Variants in AGBL1 observed in about 807,000 individuals in gnomAD.
AGBL1 encodes the protein AGBL carboxypeptidase 1.
AGBL1 carries 130 observed loss-of-function variants against 118.9 expected under a neutral mutation model. That is an observed-to-expected ratio of 1.09 (90% confidence interval 0.95 to 1.26). The LOEUF (loss-of-function observed/expected upper bound fraction) is 1.26, where lower values mean the gene tolerates loss of function less well. Ranked by LOEUF, AGBL1 falls within the 50% of genes most tolerant of loss-of-function variation. The pLI is 0.00. For missense variants in AGBL1, 1,584 were observed against 1,298.1 expected (o/e 1.22, Z -3.38); for synonymous variants, 555 against 478.9 (o/e 1.16, Z -2.08).
intron 23 of AGBL1, among the ~76,000 whole-genome samples, chr15:86,985,754 T>A (rs77833517): frequency 0.034 from 5,200 of 152,272 alleles, 128 homozygotes; most frequent in Middle Eastern, 0.068. Context: ...GTATCAACAT[T>A]TTCTTTTATG....
chr15:86,668,735 G>C (rs1383379030), intron 21 of AGBL1, among the ~76,000 whole-genome samples: 3 of 152,176 alleles, frequency 2.0e-5, no homozygotes, highest in Admixed American at 2.0e-4. Flanking sequence ...TGCAAGGTTT[G>C]AGGATTGATT....
rs539458831 is a variant in AGBL1, at chr15:86,702,095, C to CACT, written c.3158+27659_3158+27660insACT. Reference sequence around the variant, plus strand: ...ACAACAAATTATCACTAAATCCTATCCATAGCTCCAATCCATAGCTCATAT... The same window carrying CACT: ...ACAACAAATTATCACTAAATCCTATCACTCATAGCTCCAATCCATAGCTCATAT... On this transcript the variant is annotated intron_variant, in intron 22 of 22. Transcript: ENST00000614907. Among the ~76,000 whole-genome samples, 266 of 152,040 alleles carry CACT rather than the reference C, an allele frequency of 1.7e-3. 4 individuals carry two copies. In the East Asian group the frequency reaches 0.022, roughly 12 times the overall value.
intron 21 of AGBL1, among the ~76,000 whole-genome samples, chr15:86,671,503 C>T (rs1208275454): frequency 2.6e-5 from 4 of 152,124 alleles, no homozygotes; most frequent in Admixed American, 6.6e-5. Flanking sequence ...TTTATACTCA[C>T]TTTTAAACAA....
At chr15:86,875,358 C>T (rs2079792479) in intron 22 of AGBL1, among the ~76,000 whole-genome samples, 2 of 152,166 alleles carry the variant, frequency 1.3e-5, no homozygotes, top group Non-Finnish European at 2.9e-5. Flanking sequence ...GACAAATGTA[C>T]CAGTTTCCCT....
intron 1 of AGBL1, among the ~76,000 whole-genome samples, chr15:86,120,342 G>T (rs571885512): frequency 6.6e-6 from 1 of 152,142 alleles, no homozygotes; most frequent in African/African-American, 2.4e-5. Context: ...CACTCCTAAT[G>T]TTCCCATAGT....
At chr15:86,832,892 A>G (rs910030037) in intron 22 of AGBL1, among the ~76,000 whole-genome samples, 2 of 152,198 alleles carry the variant, frequency 1.3e-5, no homozygotes, top group Non-Finnish European at 2.9e-5. Context: ...TAATAAAGAC[A>G]TACCATAGAC....
At chr15:86,332,128 T>G (rs2080280363) in intron 17 of AGBL1, among the ~76,000 whole-genome samples, 1 of 152,108 alleles carries the variant, frequency 6.6e-6, no homozygotes, top group South Asian at 2.1e-4. Context: ...ATTCTTTTAT[T>G]AAATAAAACA....
At chr15:86,660,962 C>T (rs2142515610) in intron 21 of AGBL1, among the ~76,000 whole-genome samples, 1 of 152,272 alleles carries the variant, frequency 6.6e-6, no homozygotes, top group South Asian at 2.1e-4. Context: ...TGAATGCCTA[C>T]AGGAGCCAAG....
In AGBL1 at chr15:86,473,280, T is replaced by C. The variant is rs556905713; in HGVS notation, c.2556-49530T>C. ...GAAGGACTGAATGTGATAGGAAGAG[T>C]GAGGCCCCCTCCCAGGGCCATTCTA... On this transcript the variant is annotated intron_variant, in intron 18 of 22. Coordinates refer to ENST00000614907, the MANE Select transcript of AGBL1 (RefSeq NM_001386094.1). Among the ~76,000 whole-genome samples, 11 of 152,188 alleles carry C rather than the reference T, an allele frequency of 7.2e-5. 1 individual carries two copies. In the South Asian group the frequency reaches 2.3e-3, roughly 32 times the overall value.
At chr15:86,859,029 C>G (rs147859345) in intron 22 of AGBL1, among the ~76,000 whole-genome samples, 271 of 152,306 alleles carry the variant, frequency 1.8e-3, no homozygotes, top group African/African-American at 6.3e-3. Flanking sequence ...ATGCTCAAGA[C>G]TAGGCTCAAC....
chr15:86,283,795 C>T (rs1170277053), intron 16 of AGBL1, among the ~76,000 whole-genome samples: 3 of 152,054 alleles, frequency 2.0e-5, no homozygotes, highest in South Asian at 2.1e-4. Context: ...TCTGAAGAAG[C>T]CAATATGTGC....
chr15:86,519,864 C>G (rs1387949964), intron 18 of AGBL1, among the ~76,000 whole-genome samples: 1 of 152,200 alleles, frequency 6.6e-6, no homozygotes, highest in African/African-American at 2.4e-5. Context: ...CTCCAAATCT[C>G]TATGTTTAAA....
intron 5 of AGBL1, among the ~76,000 whole-genome samples, chr15:86,210,247 A>G (rs1020302952): frequency 1.3e-5 from 2 of 151,690 alleles, no homozygotes; most frequent in Non-Finnish European, 2.9e-5. Flanking sequence ...TGCCCTTAAC[A>G]TTTTTTCCTT....
In AGBL1 at chr15:86,636,515, TCTC is replaced by T. The variant is rs371636684; in HGVS notation, c.2995-37755_2995-37753del. Among the ~76,000 whole-genome samples, 44 of 148,148 alleles carry T rather than the reference TCTC, an allele frequency of 3.0e-4. No homozygotes were observed. In the East Asian group the frequency reaches 4.2e-3, roughly 14 times the overall value. ...GATAGTTTTTTTTTTTTCTGGAACA[TCTC>T]CTACATTTAAAAAAAATTCCTATTA... is the stretch of plus-strand genomic sequence containing the variant. On this transcript the variant is annotated intron_variant, in intron 21 of 22. Transcript: ENST00000614907.
intron 1 of AGBL1, among the ~76,000 whole-genome samples, chr15:86,095,653 T>TA (rs1896326721): frequency 7.1e-6 from 1 of 141,460 alleles, no homozygotes; most frequent in Non-Finnish European, 1.5e-5. Context: ...ATACCTTTTT[T>TA]TTTTTTTTTT....
At chr15:86,794,024 T>C (rs572239684) in intron 22 of AGBL1, among the ~76,000 whole-genome samples, 1 of 152,330 alleles carries the variant, frequency 6.6e-6, no homozygotes, top group South Asian at 2.1e-4. Context: ...GTGTATCCAC[T>C]TTGGAAAGAA....
In AGBL1 at chr15:86,832,722, A is replaced by G. The variant is rs573599561; in HGVS notation, c.3159-74365A>G. Among the ~76,000 whole-genome samples the G allele has an allele frequency of 3.3e-5, 5 of 152,282 alleles. No homozygotes were observed. In the South Asian group the frequency reaches 1.0e-3, roughly 32 times the overall value. Reference sequence around the variant, plus strand: ...TTCAACAAAGGTCTAGGAAGTTTCAAACTTTCCCACATCTTCCTGCCTTCT... The same window carrying G: ...TTCAACAAAGGTCTAGGAAGTTTCAGACTTTCCCACATCTTCCTGCCTTCT... On this transcript the variant is annotated intron_variant, in intron 22 of 22. Transcript: ENST00000614907.
At chr15:86,479,676 GC>G (rs2082621218) in intron 18 of AGBL1, among the ~76,000 whole-genome samples, 1 of 152,180 alleles carries the variant, frequency 6.6e-6, no homozygotes, top group Non-Finnish European at 1.5e-5. Flanking sequence ...AGACAGTGTG[GC>G]GATTCTTCAA....
chr15:86,474,457 C>T (rs925485443), intron 18 of AGBL1, among the ~76,000 whole-genome samples: 1 of 152,214 alleles, frequency 6.6e-6, no homozygotes, highest in African/African-American at 2.4e-5. Context: ...GGGTCCCACA[C>T]CCACGGAGCC....
Sources: allele counts gnomAD v4.1 joint callset (sites outside exome capture counted in the v4.1 genomes callset), GRCh38; gene constraint gnomAD v4.1.1; transcripts MANE v1.5; gene names NCBI Gene and HGNC (gene_info 2026-07-23, HGNC 2026-07-21).